Variants in MTMR12 observed in about 807,000 individuals in gnomAD.
MTMR12 encodes myotubularin related protein 12.
A neutral mutation model predicts 96.7 loss-of-function variants in MTMR12; 33 were observed. The ratio of observed to expected loss-of-function variants is 0.34; its 90% CI spans 0.26 to 0.46. The LOEUF (loss-of-function observed/expected upper bound fraction) is 0.46. Ranked by LOEUF, MTMR12 falls within the 20% of genes least tolerant of loss-of-function variation. The probability of loss-of-function intolerance (pLI) is 1.00; values close to 1 mark genes in which losing one functional copy is unlikely to be tolerated. For synonymous variants in MTMR12, 298 were observed against 327.2 expected (o/e 0.91, Z 0.96); for missense variants, 721 against 896.1 (o/e 0.80, Z 2.49).
At chr5:32,261,912 A>C (rs1412865876) in intron 7 of MTMR12, among the ~76,000 whole-genome samples, 1 of 152,150 alleles carries the variant, frequency 6.6e-6, no homozygotes, top group Non-Finnish European at 1.5e-5. Flanking sequence ...CTCTACTAAA[A>C]ACACAAAAAA....
intron 1 of MTMR12, chr5:32,296,446 T>G: frequency 2.8e-6 from 1 of 353,840 alleles, no homozygotes; most frequent in Non-Finnish European, 6.0e-6. Flanking sequence ...ACCACTGCAT[T>G]CCAGTCTGGG....
intron 1 of MTMR12, among the ~76,000 whole-genome samples, chr5:32,305,223 G>A (rs1751309152): frequency 6.6e-6 from 1 of 152,106 alleles, no homozygotes; most frequent in South Asian, 2.1e-4. Flanking sequence ...TGAGTAGCTG[G>A]AATTACAGGC....
intron 1 of MTMR12, among the ~76,000 whole-genome samples, chr5:32,304,880 G>C (rs1489341926): frequency 6.6e-6 from 1 of 152,152 alleles, no homozygotes; most frequent in Non-Finnish European, 1.5e-5. Flanking sequence ...CAGGAAGCAC[G>C]GGCAGGAGAG....
At position 32,312,907 on chromosome 5, in the gene MTMR12, G is replaced by C. The variant is rs1270949225; in HGVS notation, c.-69C>G. 1.4e-6 allele frequency: 2 copies of C among 1,402,658 alleles called. No individual in the cohort carries two copies. The highest frequency in any genetic ancestry group is 3.0e-5 in the African/African-American group (2 of 66,306). The allele number at this position is 1,402,658 out of a possible 1,614,324, so 86.9% of individuals were successfully genotyped here. On this transcript the variant is annotated 5_prime_UTR_variant, in exon 1 of 16. Coordinates refer to ENST00000382142, the MANE Select transcript of MTMR12 (RefSeq NM_001040446.3). This position sits in a 1 kb window ranked among gnomAD's most constrained non-coding sequence, Gnocchi z 5.0. ...GGCTCGGGCTCCAGCTGGGGCAGCA[G>C]CGGCGGCCACCAGCACTAGCGGCTG...
In MTMR12 at chr5:32,283,549, G is replaced by A. The variant is rs572714681; in HGVS notation, c.82-6807C>T. ...CACAGGTGAAAGTCAAACCCTGTGC[G>A]CAGTCTGCGTTCCTGGCCCAGTCTG... is the stretch of plus-strand genomic sequence containing the variant. On this transcript the variant is annotated intron_variant, in intron 1 of 15. Transcript: ENST00000382142. Among the ~76,000 whole-genome samples, 9 of 152,272 alleles carry A rather than the reference G, an allele frequency of 5.9e-5. No homozygotes were observed. The South Asian group carries it at 8.3e-4, about 14-fold the overall frequency.
intron 1 of MTMR12, among the ~76,000 whole-genome samples, chr5:32,306,287 A>G (rs1751361719): frequency 6.6e-6 from 1 of 152,220 alleles, no homozygotes; most frequent in Admixed American, 6.5e-5. Context: ...TCTAAAAACA[A>G]AAAAGATGGG....
chr5:32,287,184 T>C (rs1200700521), intron 1 of MTMR12, among the ~76,000 whole-genome samples: 1 of 152,212 alleles, frequency 6.6e-6, no homozygotes, highest in Non-Finnish European at 1.5e-5. Context: ...GAGTGTCAAC[T>C]TGATTAAAGG....
intron 6 of MTMR12, among the ~76,000 whole-genome samples, chr5:32,267,739 C>T (rs76736737): frequency 0.047 from 7,102 of 152,234 alleles, 306 homozygotes; most frequent in African/African-American, 0.11. Context: ...CATATTTAAA[C>T]AGAAAAACCC....
At position 32,283,802 on chromosome 5, in the gene MTMR12, G is replaced by T. The variant is rs939447840; in HGVS notation, c.82-7060C>A. Among the ~76,000 whole-genome samples, 9 of 152,158 alleles carry T rather than the reference G, an allele frequency of 5.9e-5. 1 individual carries two copies. Among genetic ancestry groups the T allele is most frequent in the Admixed American group, 2.0e-4 (3 of 15,280 alleles). On this transcript the variant is annotated intron_variant, in intron 1 of 15. Coordinates refer to ENST00000382142, the MANE Select transcript of MTMR12 (RefSeq NM_001040446.3). ...ACCTACACCCAACCTAAGTGACACT[G>T]GCCAGCTGCATGGAGAAGAACCTTG...
Position 32,229,813 on chromosome 5 carries a change from G to A in MTMR12, c.2209C>T (p.Arg737Ter), listed in dbSNP as rs145436150. The A allele has an allele frequency of 7.0e-6, 11 of 1,561,002 alleles. No individual in the cohort carries two copies. Among genetic ancestry groups the A allele is most frequent in the East Asian group, 2.3e-5 (1 of 44,312 alleles). The change falls in exon 16 of 16, where the codon CGA becomes TGA. Residue 737 changes from arginine to a stop codon, truncating the protein, a stop_gained. Transcript: ENST00000382142. LOFTEE classifies it high-confidence loss of function. ...CCTAGGTCCACGAACTCATCTTCTCGTTTGGCCAAATCGTCTTCATCTCCC... is the reference window on the plus strand; with the variant it reads ...CCTAGGTCCACGAACTCATCTTCTCATTTGGCCAAATCGTCTTCATCTCCC... ...ALGDEDDLAK[R>*]EDEFVDLGDV
Position 32,312,409 on chromosome 5 carries a change from G to A in MTMR12, c.81+349C>T, listed in dbSNP as rs1751633747. Reference sequence around the variant, plus strand: ...GGGCTCCGAGCAGGCCCCGTTGGGGGCTCCGACCCACGGCCCTACCCCTCC... The same window carrying A: ...GGGCTCCGAGCAGGCCCCGTTGGGGACTCCGACCCACGGCCCTACCCCTCC... On this transcript the variant is annotated intron_variant, in intron 1 of 15. Coordinates refer to ENST00000382142, the MANE Select transcript of MTMR12 (RefSeq NM_001040446.3). The surrounding 1 kb of genome is among the most constrained non-coding windows in gnomAD (Gnocchi z 5.0). Among the ~76,000 whole-genome samples, 1 of 152,198 alleles carries A rather than the reference G, an allele frequency of 6.6e-6. No homozygotes were observed. Among genetic ancestry groups the A allele is most frequent in the Non-Finnish European group, 1.5e-5 (1 of 68,010 alleles).
At chr5:32,286,512 CCT>C (rs1750544689) in intron 1 of MTMR12, among the ~76,000 whole-genome samples, 1 of 150,708 alleles carries the variant, frequency 6.6e-6, no homozygotes, top group African/African-American at 2.4e-5. Flanking sequence ...AAAGTGAGAC[CCT>C]GTCTCAAAAA....
chr5:32,268,674 T>C, intron 6 of MTMR12, 27 bp downstream of exon 6: 1 of 1,591,512 alleles, frequency 6.3e-7, no homozygotes, highest in Non-Finnish European at 8.6e-7. Flanking sequence ...CTGCTTACCC[T>C]CAAATTAGAA....
intron 1 of MTMR12, among the ~76,000 whole-genome samples, chr5:32,282,728 T>C (rs1043226721): frequency 3.9e-5 from 6 of 152,126 alleles, no homozygotes; most frequent in Non-Finnish European, 7.4e-5. Flanking sequence ...ATAAGTTTAA[T>C]TGGAGTTTTT....
At chr5:32,296,316 A>C (rs560972187) in intron 1 of MTMR12, 1 of 162,424 alleles carries the variant, frequency 6.2e-6, no homozygotes, top group African/African-American at 2.4e-5. Flanking sequence ...TTGTTTTTAC[A>C]AAAAATGAAC....
intron 7 of MTMR12, among the ~76,000 whole-genome samples, chr5:32,260,404 A>C (rs1233104299): frequency 6.6e-6 from 1 of 151,756 alleles, no homozygotes; most frequent in Admixed American, 6.6e-5. Context: ...GTCTGGAGTG[A>C]AACAAACCAC....
At chr5:32,282,158 G>A (rs1305243557) in intron 1 of MTMR12, among the ~76,000 whole-genome samples, 2 of 152,012 alleles carry the variant, frequency 1.3e-5, no homozygotes, top group African/African-American at 4.8e-5. Context: ...CGAGGCGGAC[G>A]GATCACGAGG....
At chr5:32,270,447 T>C (rs916566516) in intron 5 of MTMR12, among the ~76,000 whole-genome samples, 6 of 152,308 alleles carry the variant, frequency 3.9e-5, no homozygotes, top group African/African-American at 1.4e-4. Flanking sequence ...GTTGGAATTC[T>C]CCAACACTAC....
intron 7 of MTMR12, among the ~76,000 whole-genome samples, chr5:32,259,897 G>A (rs1380239385): frequency 1.3e-5 from 2 of 151,960 alleles, no homozygotes; most frequent in African/African-American, 4.8e-5. Context: ...TTAGCTGGGC[G>A]TGGTGGCGCA....
Sources: gnomAD v4.1 joint callset for allele counts (sites outside exome capture counted in the v4.1 genomes callset) on GRCh38, gnomAD v4.1.1 for gene constraint, Gnocchi (gnomAD v3.1) non-coding constraint, MANE v1.5 for transcripts, NCBI Gene and HGNC (gene_info 2026-07-23, HGNC 2026-07-21) for gene names.